Variants in UBE2L3 observed in about 807,000 individuals in gnomAD.
UBE2L3 encodes ubiquitin-conjugating enzyme E2 L3.
Under a neutral mutation model 17.8 loss-of-function variants are expected in UBE2L3, and 1 was observed. The ratio of observed to expected loss-of-function variants is 0.06; its 90% CI spans 0.02 to 0.27. The LOEUF is 0.27. Ranked by LOEUF, UBE2L3 falls within the 10% of genes least tolerant of loss-of-function variation. The probability of loss-of-function intolerance (pLI) is 1.00; values close to 1 mark genes in which losing one functional copy is unlikely to be tolerated. For synonymous variants in UBE2L3, 44 were observed against 68.5 expected (o/e 0.64, Z 1.76); for missense variants, 40 against 192.6 (o/e 0.21, Z 4.69).
At chr22:21,562,196 T>C (rs1926459659) in intron 1 of UBE2L3, among the ~76,000 whole-genome samples, 1 of 149,858 alleles carries the variant, frequency 6.7e-6, no homozygotes, top group Admixed American at 6.6e-5. Flanking sequence ...TCTTTTTTTT[T>C]TCTTTTTTTT....
chr22:21,611,423 G>A (rs1929471281), intron 3 of UBE2L3, among the ~76,000 whole-genome samples: 1 of 152,196 alleles, frequency 6.6e-6, no homozygotes, highest in African/African-American at 2.4e-5. Context: ...AGTAGTTAGT[G>A]CCTGAACTCA....
upstream of UBE2L3, among the ~76,000 whole-genome samples, chr22:21,566,114 G>A (rs131664): frequency 0.22 from 32,885 of 151,334 alleles, 4,357 homozygotes; most frequent in East Asian, 0.51. Context: ...CTGGGATTAC[G>A]TTCGCCCACC....
At chr22:21,558,283 T>C (rs1926308625) in intron 1 of UBE2L3, among the ~76,000 whole-genome samples, 1 of 152,118 alleles carries the variant, frequency 6.6e-6, no homozygotes, top group Non-Finnish European at 1.5e-5. Flanking sequence ...CATCCCCCAT[T>C]GCTACAGTAG....
chr22:21,572,957 CTCTTCTCTGCCTG>C (rs1927066837), intron 1 of UBE2L3, among the ~76,000 whole-genome samples: 2 of 152,180 alleles, frequency 1.3e-5, no homozygotes, highest in African/African-American at 4.8e-5. Context: ...CCTTCAGTCT[CTCTTCTCTGCCTG>C]TCTTCTCTCC....
chr22:21,615,355 A>G (rs1284299441), intron 3 of UBE2L3, among the ~76,000 whole-genome samples: 1 of 151,966 alleles, frequency 6.6e-6, no homozygotes, highest in Non-Finnish European at 1.5e-5. Flanking sequence ...GGAGATTGAG[A>G]CCATCCTGGC....
At chr22:21,582,352 T>G (rs1241063362) in intron 1 of UBE2L3, among the ~76,000 whole-genome samples, 1 of 150,600 alleles carries the variant, frequency 6.6e-6, no homozygotes, top group Non-Finnish European at 1.5e-5. Context: ...GGTTTTTTTT[T>G]GTTGTTGTTT....
At chr22:21,589,168 C>T (rs1191178885) in intron 1 of UBE2L3, among the ~76,000 whole-genome samples, 5 of 118,140 alleles carry the variant, frequency 4.2e-5, no homozygotes, top group African/African-American at 9.9e-5. Flanking sequence ...TTTTTTGAGA[C>T]GGAGTCTCGC....
Position 21,557,064 on chromosome 22 carries a change from G to GA in UBE2L3, c.201+7423dup, listed in dbSNP as rs1163188393. On this transcript the variant is annotated intron_variant, in intron 1 of 3. Transcript: ENST00000458578. ...GTGAGAGTCTGAGTCAAAAAAAAAA[G>GA]AAAAAAAAATTAACAACAGGCCAGA... 6.6e-5 allele frequency among the ~76,000 whole-genome samples: 10 copies of GA among 152,010 alleles called. No individual in the cohort carries two copies. In the East Asian group the frequency reaches 1.6e-3, roughly 24 times the overall value.
chr22:21,571,033 G>A (rs2148400274), intron 1 of UBE2L3, among the ~76,000 whole-genome samples: 1 of 152,318 alleles, frequency 6.6e-6, no homozygotes, highest in East Asian at 1.9e-4. Flanking sequence ...TTTAGGCAAA[G>A]TGAGTATGAT....
At position 21,556,743 on chromosome 22, in the gene UBE2L3, T is replaced by C. The variant is rs1482349868; in HGVS notation, c.201+7093T>C. Among the ~76,000 whole-genome samples, 6 of 151,956 alleles carry C rather than the reference T, an allele frequency of 3.9e-5. No homozygotes were observed. The East Asian group carries it at 1.2e-3, about 30-fold the overall frequency. ...TCCCAAAGTACTGAGATTACAGGCA[T>C]GAGCCACCACACCTGGCCAATAAAA... On this transcript the variant is annotated intron_variant, in intron 1 of 3. Coordinates refer to the UBE2L3 transcript ENST00000458578.
At chr22:21,612,635 TTTC>T (rs1442557765) in intron 3 of UBE2L3, among the ~76,000 whole-genome samples, 2 of 138,136 alleles carry the variant, frequency 1.4e-5, no homozygotes, top group Non-Finnish European at 3.0e-5. Flanking sequence ...GATTTTTTCT[TTTC>T]TTTTCTTTTT....
At chr22:21,609,101 G>A (rs1806197719) in intron 2 of UBE2L3, among the ~76,000 whole-genome samples, 1 of 151,544 alleles carries the variant, frequency 6.6e-6, no homozygotes, top group South Asian at 2.1e-4. Flanking sequence ...GTTTCACTGT[G>A]TTAGCCAGGA....
chr22:21,579,460 A>G (rs894583115), intron 1 of UBE2L3, among the ~76,000 whole-genome samples: 1 of 152,090 alleles, frequency 6.6e-6, no homozygotes, highest in Non-Finnish European at 1.5e-5. Context: ...TTTTCAGTAT[A>G]TTGAATTACA....
chr22:21,610,584 T>C (rs1464945546), intron 2 of UBE2L3, among the ~76,000 whole-genome samples: 1 of 152,184 alleles, frequency 6.6e-6, no homozygotes, highest in Non-Finnish European at 1.5e-5. Flanking sequence ...AGTTTTGCTG[T>C]ATACCTAAAG....
At chr22:21,589,376 T>A (rs1259309809) in intron 1 of UBE2L3, among the ~76,000 whole-genome samples, 2 of 149,852 alleles carry the variant, frequency 1.3e-5, no homozygotes, top group African/African-American at 4.9e-5. Flanking sequence ...CTTGATCTCC[T>A]GACCTCGTGA....
upstream of UBE2L3, among the ~76,000 whole-genome samples, chr22:21,562,922 C>A (rs1234969991): frequency 6.6e-6 from 1 of 150,394 alleles, no homozygotes; most frequent in African/African-American, 2.5e-5. Context: ...GCCTGGTAGT[C>A]CAGGAGAAGG....
intron 2 of UBE2L3, among the ~76,000 whole-genome samples, chr22:21,607,846 C>CT (rs1449555616): frequency 3.9e-5 from 6 of 152,146 alleles, no homozygotes; most frequent in African/African-American, 1.4e-4. Context: ...CCCCAGGGTC[C>CT]AGCCATTGAG....
intron 2 of UBE2L3, among the ~76,000 whole-genome samples, chr22:21,600,383 T>C (rs1365926585): frequency 6.6e-6 from 1 of 151,762 alleles, no homozygotes. Context: ...GGAATACGAT[T>C]GAACTCTTTA....
intron 3 of UBE2L3, among the ~76,000 whole-genome samples, chr22:21,611,597 C>T (rs1929483369): frequency 6.6e-6 from 1 of 152,096 alleles, no homozygotes; most frequent in South Asian, 2.1e-4. Context: ...CCTGGGATTC[C>T]CTGGAGTTGG....
Sources: gnomAD v4.1 joint callset for allele counts (sites outside exome capture counted in the v4.1 genomes callset) on GRCh38, gnomAD v4.1.1 for gene constraint, MANE v1.5 for transcripts, NCBI Gene and HGNC (gene_info 2026-07-23, HGNC 2026-07-21) for gene names.